PI4KA: variants seen among roughly 807,000 people sequenced by gnomAD.
The protein encoded by PI4KA is phosphatidylinositol 4-kinase alpha, also known as PI4-kinase alpha.
PI4KA carries 122 observed loss-of-function variants against 271.4 expected under a neutral mutation model. The ratio of observed to expected loss-of-function variants is 0.45; its 90% CI spans 0.39 to 0.52. The LOEUF (loss-of-function observed/expected upper bound fraction) is 0.52. PI4KA is among the 20% of genes least tolerant of loss of function. PI4KA has a pLI of 0.00. For synonymous variants in PI4KA, 1,041 were observed against 1,078.8 expected (o/e 0.96, Z 0.69); for missense variants, 1,969 against 2,769.1 (o/e 0.71, Z 6.48).
intron 23 of PI4KA, among the ~76,000 whole-genome samples, chr22:20,758,931 AAAAT>A (rs1197704477): frequency 6.6e-6 from 1 of 152,220 alleles, no homozygotes; most frequent in Non-Finnish European, 1.5e-5. Flanking sequence ...CCCAGCTGCA[AAAAT>A]AAATTCATGC....
chr22:20,858,405 A>C (rs1601636203), intron 1 of PI4KA, among the ~76,000 whole-genome samples, 165 bp downstream of exon 1: 5 of 87,356 alleles, frequency 5.7e-5, no homozygotes, highest in Admixed American at 1.3e-4. Context: ...AGCCCCTCCC[A>C]CTAGGGCCTC....
chr22:20,800,896 C>CTT (rs361649), intron 14 of PI4KA, among the ~76,000 whole-genome samples: 6 of 134,022 alleles, frequency 4.5e-5, no homozygotes, highest in Non-Finnish European at 8.1e-5. Context: ...GGAAGAATTT[C>CTT]TTTTTTTTTT....
chr22:20,819,700 T>C lies in PI4KA; in HGVS notation c.730A>G (p.Thr244Ala), dbSNP rs1408814772. The C allele has an allele frequency of 1.2e-6, 2 of 1,614,054 alleles. No individual in the cohort carries two copies. Among genetic ancestry groups the C allele is most frequent in the East Asian group, 4.5e-5 (2 of 44,878 alleles). Residue 244 changes from threonine to alanine, a missense_variant, in exon 6 of 55, where the codon ACT (threonine) becomes GCT (alanine). This residue lies in a region of PI4KA where 540 missense variants were observed against 555.5 expected (regional missense o/e 0.97). Transcript: ENST00000255882. Reference protein sequence around the residue: ...FRSILPSNLLTVCQEGTLKRK... With the variant: ...FRSILPSNLLAVCQEGTLKRK... The stretch of plus-strand genomic sequence containing the variant: ...TTCAGGGTACCCTCCTGACAGACAG[T>C]CAGCAGATTGCTGGGGAGGATGGAG...
At chr22:20,803,970 G>A (rs1265603924) in intron 12 of PI4KA, among the ~76,000 whole-genome samples, 1 of 152,220 alleles carries the variant, frequency 6.6e-6, no homozygotes, top group Non-Finnish European at 1.5e-5. Flanking sequence ...AGCACTGTGG[G>A]TGTCAGGAGA....
intron 19 of PI4KA, among the ~76,000 whole-genome samples, chr22:20,766,664 T>G (rs571602138): frequency 2.2e-4 from 33 of 152,250 alleles, no homozygotes; most frequent in Admixed American, 1.1e-3. Context: ...AAACTCCATC[T>G]CAAAAAACCA....
chr22:20,787,136 C>G (rs1046733844), intron 19 of PI4KA: 39 of 1,357,188 alleles, frequency 2.9e-5, no homozygotes, highest in Non-Finnish European at 3.9e-5. Context: ...ACAACGAGAA[C>G]AGAGATGTTC....
intron 19 of PI4KA, among the ~76,000 whole-genome samples, chr22:20,785,044 A>AGCTCTT (rs1409141565): frequency 6.7e-6 from 1 of 150,250 alleles, no homozygotes; most frequent in Non-Finnish European, 1.5e-5. Flanking sequence ...GCAGCCCGGC[A>AGCTCTT]GCTCTTGAGA....
At chr22:20,766,259 T>C (rs1471742763) in intron 19 of PI4KA, among the ~76,000 whole-genome samples, 1 of 151,928 alleles carries the variant, frequency 6.6e-6, no homozygotes, top group East Asian at 1.9e-4. Flanking sequence ...AGAATCCCCA[T>C]ATATGTAACA....
intron 19 of PI4KA, among the ~76,000 whole-genome samples, chr22:20,767,095 C>G (rs1413926791): frequency 1.3e-5 from 2 of 152,048 alleles, no homozygotes; most frequent in South Asian, 4.1e-4. Context: ...TAAATAGAAA[C>G]ACACTAGATG....
At chr22:20,726,220 T>C in intron 42 of PI4KA, 1 of 373,198 alleles carries the variant, frequency 2.7e-6, no homozygotes. Flanking sequence ...GAGGGAAGCC[T>C]GGCCAGGCTG....
intron 19 of PI4KA, among the ~76,000 whole-genome samples, chr22:20,774,816 G>A (rs1179089711): frequency 6.6e-6 from 1 of 150,998 alleles, no homozygotes; most frequent in Non-Finnish European, 1.5e-5. Flanking sequence ...AGATATAGGA[G>A]ACCTACTCTC....
intron 4 of PI4KA, among the ~76,000 whole-genome samples, chr22:20,822,658 C>T (rs904325803): frequency 6.6e-6 from 1 of 152,188 alleles, no homozygotes; most frequent in Non-Finnish European, 1.5e-5. Flanking sequence ...TCTGCAAACC[C>T]TCCAAACCAT....
chr22:20,800,104 G>A (rs1409430957), intron 14 of PI4KA, among the ~76,000 whole-genome samples: 1 of 152,124 alleles, frequency 6.6e-6, no homozygotes, highest in East Asian at 1.9e-4. Flanking sequence ...AGATAGCATA[G>A]TAAACATCAC....
intron 19 of PI4KA, among the ~76,000 whole-genome samples, chr22:20,771,759 T>A (rs192079559): frequency 1.3e-5 from 2 of 151,976 alleles, no homozygotes; most frequent in Admixed American, 1.3e-4. Flanking sequence ...TTTTTGTATT[T>A]TTAGTAGGGA....
rs1352984928 is a variant in PI4KA, at chr22:20,788,140, G to A, written c.2328+5053C>T. On this transcript the variant is annotated intron_variant, in intron 19 of 54. Coordinates refer to ENST00000255882, the MANE Select transcript of PI4KA (RefSeq NM_058004.4). ...GTGCTCTTTCAGTGAGGGGATGACTGACGGTCACAGGTGCTGTGTGTGCAG... is the reference window on the plus strand; with the variant it reads ...GTGCTCTTTCAGTGAGGGGATGACTAACGGTCACAGGTGCTGTGTGTGCAG... Among the ~76,000 whole-genome samples the A allele has an allele frequency of 2.0e-5, 3 of 152,324 alleles. No homozygotes were observed. In the East Asian group the frequency reaches 5.8e-4, roughly 29 times the overall value.
At chr22:20,805,210 T>G (rs1043774243) in intron 10 of PI4KA, 45 bp from the exon 11 acceptor site, 2 of 1,364,680 alleles carry the variant, frequency 1.5e-6, no homozygotes, top group African/African-American at 1.4e-5. Flanking sequence ...AAAACTACAG[T>G]AGAACACAGG....
intron 19 of PI4KA, among the ~76,000 whole-genome samples, chr22:20,769,840 T>C (rs1278456077): frequency 8.5e-5 from 13 of 152,074 alleles, no homozygotes; most frequent in African/African-American, 3.1e-4. Flanking sequence ...GGACTAGACA[T>C]GTGATATATG....
intron 31 of PI4KA, 103 bp downstream of exon 31, chr22:20,742,505 C>A: frequency 6.5e-7 from 1 of 1,544,300 alleles, no homozygotes; most frequent in Non-Finnish European, 8.9e-7. Flanking sequence ...ACTGGGGGAG[C>A]TCCTGCTCTT....
intron 19 of PI4KA, among the ~76,000 whole-genome samples, chr22:20,789,266 G>A (rs1317375003): frequency 6.6e-6 from 1 of 152,164 alleles, no homozygotes; most frequent in Non-Finnish European, 1.5e-5. Context: ...CTTACCTTGA[G>A]GGATTGCTGT....
Sources: gnomAD v4.1 joint callset for allele counts (sites outside exome capture counted in the v4.1 genomes callset) on GRCh38, gnomAD v4.1.1 for gene constraint, gnomAD v4.1.1 regional missense constraint, MANE v1.5 for transcripts, NCBI Gene and HGNC (gene_info 2026-07-23, HGNC 2026-07-21) for gene names.